The following EPSTI1 variants were observed in gnomAD, a reference collection of about 807,000 sequenced individuals.
The protein encoded by EPSTI1 is epithelial-stromal interaction protein 1.
Under a neutral mutation model 49.9 loss-of-function variants are expected in EPSTI1, and 66 were observed. That is an observed-to-expected ratio of 1.32 (90% confidence interval 1.08 to 1.62). The LOEUF (loss-of-function observed/expected upper bound fraction) is 1.62, where lower values mean the gene tolerates loss of function less well. Ranked by LOEUF, EPSTI1 falls within the 40% of genes most tolerant of loss-of-function variation. EPSTI1 has a pLI of 0.00. For missense variants in EPSTI1, 394 were observed against 365.5 expected, an observed-to-expected ratio of 1.08 and a Z score of -0.64; for synonymous variants, 137 against 130.7, an observed-to-expected ratio of 1.05 and a Z score of -0.33.
At chr13:42,988,854 A>C (rs199659356) in intron 1 of EPSTI1, among the ~76,000 whole-genome samples, 1 of 1,962 alleles carries the variant, frequency 5.1e-4, no homozygotes, top group Non-Finnish European at 0.036. Context: ...TAGGTGGTTT[A>C]TTTATTTATT....
chr13:42,895,207 G>A, intron 9 of EPSTI1, 99 bp from the exon 10 acceptor site: 1 of 839,802 alleles, frequency 1.2e-6, no homozygotes, highest in Non-Finnish European at 1.8e-6. Flanking sequence ...CATGGGGATA[G>A]CTTCCTGGCT....
chr13:42,937,258 G>A (rs1360571447), intron 6 of EPSTI1, among the ~76,000 whole-genome samples: 1 of 152,180 alleles, frequency 6.6e-6, no homozygotes, highest in East Asian at 1.9e-4. Context: ...TTGGTGAGTT[G>A]TAATCTTTTT....
chr13:42,974,045 G>A (rs1023800028), intron 1 of EPSTI1, among the ~76,000 whole-genome samples: 3 of 152,208 alleles, frequency 2.0e-5, no homozygotes, highest in African/African-American at 7.2e-5. Flanking sequence ...AGATATTCAA[G>A]AAATGTTTGG....
chr13:42,947,585 T>C (rs2038955895), intron 6 of EPSTI1, among the ~76,000 whole-genome samples: 1 of 152,162 alleles, frequency 6.6e-6, no homozygotes, highest in South Asian at 2.1e-4. Context: ...AGGTGAGCAT[T>C]TGCAAGATGT....
chr13:42,943,707 AC>A (rs1291886158), intron 6 of EPSTI1, among the ~76,000 whole-genome samples: 1 of 152,220 alleles, frequency 6.6e-6, no homozygotes, highest in African/African-American at 2.4e-5. Flanking sequence ...TTAATTGCAT[AC>A]AGAGAAAGAC....
chr13:42,964,741 A>G (rs1352363563), intron 3 of EPSTI1, among the ~76,000 whole-genome samples: 2 of 152,202 alleles, frequency 1.3e-5, no homozygotes, highest in African/African-American at 4.8e-5. Flanking sequence ...TCAAAATAAA[A>G]ATATGGATGT....
At chr13:42,940,557 T>C (rs187201913) in intron 6 of EPSTI1, among the ~76,000 whole-genome samples, 85 of 152,326 alleles carry the variant, frequency 5.6e-4, no homozygotes, top group Admixed American at 1.8e-3. Context: ...TCGGTGCTTA[T>C]CAGTCTAGAG....
chr13:42,969,309 G>T, intron 2 of EPSTI1, 132 bp from the exon 3 acceptor site: 1 of 858,272 alleles, frequency 1.2e-6, no homozygotes, highest in Non-Finnish European at 1.8e-6. Context: ...AGGCTTCCAG[G>T]TTAGAAACAC....
intron 9 of EPSTI1, among the ~76,000 whole-genome samples, chr13:42,897,148 C>T (rs2037215318): frequency 6.6e-6 from 1 of 151,760 alleles, no homozygotes; most frequent in South Asian, 2.1e-4. Flanking sequence ...ACAGTCCAAG[C>T]TCATTTGTAC....
At chr13:42,903,596 G>T (rs2037420605) in intron 8 of EPSTI1, among the ~76,000 whole-genome samples, 1 of 152,138 alleles carries the variant, frequency 6.6e-6, no homozygotes, top group Admixed American at 6.5e-5. Context: ...AAAACAATTT[G>T]AGTCTAGGAA....
intron 8 of EPSTI1, 40 bp downstream of exon 8, chr13:42,917,501 A>C (rs779631527): frequency 2.2e-5 from 34 of 1,518,886 alleles, no homozygotes; most frequent in Non-Finnish European, 3.0e-5. Flanking sequence ...TAGTACCTCA[A>C]ATAAACAGTT....
intron 6 of EPSTI1, among the ~76,000 whole-genome samples, chr13:42,953,341 T>C (rs1178753984): frequency 3.9e-5 from 6 of 152,030 alleles, no homozygotes. Flanking sequence ...TTCTACCACA[T>C]TTAGAATTAA....
intron 6 of EPSTI1, among the ~76,000 whole-genome samples, chr13:42,948,078 G>A (rs35850470): frequency 2.0e-5 from 3 of 152,188 alleles, no homozygotes; most frequent in Non-Finnish European, 2.9e-5. Context: ...CGGTGTTCCC[G>A]CAGCTGCCAG....
intron 8 of EPSTI1, among the ~76,000 whole-genome samples, chr13:42,910,140 A>C (rs1029733217): frequency 3.3e-5 from 5 of 152,176 alleles, no homozygotes; most frequent in South Asian, 2.1e-4. Flanking sequence ...GTTGTTGAAC[A>C]ATTATTTATA....
At chr13:42,970,812 C>T (rs746006542) in intron 1 of EPSTI1, 142 bp from the exon 2 acceptor site, 1 of 646,118 alleles carries the variant, frequency 1.5e-6, no homozygotes, top group Non-Finnish European at 2.6e-6. Context: ...CTTCTTAAGA[C>T]CCTGATCTGT....
rs776025687 is a variant in EPSTI1, at chr13:42,888,354, T to G, written c.*140A>C. ...ATGAGGACAAGGAGAAGCCAGTCAC[T>G]CCTGACTGCACGGTCAAGTGTGTGG... On this transcript the variant is annotated 3_prime_UTR_variant, in exon 11 of 11. Coordinates refer to ENST00000313624, the MANE Select transcript of EPSTI1 (RefSeq NM_033255.5). 22 of 1,613,972 alleles carry G rather than the reference T, an allele frequency of 1.4e-5. No individual in the cohort carries two copies. Among genetic ancestry groups the G allele is most frequent in the Non-Finnish European group, 1.7e-5 (20 of 1,180,000 alleles).
At chr13:42,927,670 C>T (rs1482316937) in intron 6 of EPSTI1, among the ~76,000 whole-genome samples, 1 of 152,106 alleles carries the variant, frequency 6.6e-6, no homozygotes, top group Non-Finnish European at 1.5e-5. Flanking sequence ...AGGTCAGAAG[C>T]TTGATCTGGG....
In EPSTI1 at chr13:42,970,626, T is replaced by C. The variant is rs1370943587; in HGVS notation, c.233A>G (p.Asn78Ser). The C allele has an allele frequency of 1.9e-6, 3 of 1,610,534 alleles. No individual in the cohort carries two copies. In the East Asian group the frequency reaches 6.7e-5, roughly 36 times the overall value. The change falls in exon 2 of 11, where the codon AAT (asparagine) becomes AGT (serine). Residue 78 changes from asparagine to serine, a missense_variant. Physicochemically the swap from Asn to Ser is conservative, Grantham distance 46. Coordinates refer to ENST00000313624, the MANE Select transcript of EPSTI1 (RefSeq NM_033255.5). ...ACTATACATACTTCTTTGTATCTCA[T>C]TTCTCCGGTTTATATTTGGTGCTAT... ...TLIAPNINRRNEIQRIAEQEL... is the reference protein window; with the variant it reads ...TLIAPNINRRSEIQRIAEQEL...
chr13:42,965,433 C>A (rs529421725), intron 3 of EPSTI1, among the ~76,000 whole-genome samples: 25 of 152,190 alleles, frequency 1.6e-4, no homozygotes, highest in African/African-American at 5.3e-4. Context: ...CAACAGATGC[C>A]GAGCGCTTCA....
Sources: allele counts gnomAD v4.1 joint callset (sites outside exome capture counted in the v4.1 genomes callset), GRCh38; gene constraint gnomAD v4.1.1; transcripts MANE v1.5; gene names NCBI Gene and HGNC (gene_info 2026-07-23, HGNC 2026-07-21).